TLL2: variants seen among roughly 807,000 people sequenced by gnomAD.
TLL2 encodes the protein tolloid-like protein 2.
Under a neutral mutation model 123.0 loss-of-function variants are expected in TLL2, and 106 were observed. The ratio of observed to expected loss-of-function variants is 0.86; its 90% confidence interval spans 0.74 to 1.01. The LOEUF is 1.01. TLL2 is among the 50% of genes least tolerant of loss of function. TLL2 has a pLI of 0.00. For missense variants in TLL2, 1,332 were observed against 1,336.7 expected (o/e 1.00, Z 0.06); for synonymous variants, 494 against 516.8 (o/e 0.96, Z 0.60).
chr10:96,463,989 C>G (rs750766675), intron 2 of TLL2, among the ~76,000 whole-genome samples: 8 of 152,196 alleles, frequency 5.3e-5, no homozygotes, highest in Non-Finnish European at 8.8e-5. Flanking sequence ...AACACCCAAG[C>G]CCTCTCTCAC....
At chr10:96,496,009 A>G (rs928554838) in intron 1 of TLL2, among the ~76,000 whole-genome samples, 9 of 152,224 alleles carry the variant, frequency 5.9e-5, no homozygotes, top group Non-Finnish European at 1.3e-4. Context: ...CATCTAAGCA[A>G]TGTCCTTGTT....
intron 16 of TLL2, among the ~76,000 whole-genome samples, chr10:96,382,981 G>A (rs997697473): frequency 6.6e-6 from 1 of 151,412 alleles, no homozygotes; most frequent in Non-Finnish European, 1.5e-5. Context: ...AGGGAGGGAA[G>A]AAGGATATTC....
intron 1 of TLL2, among the ~76,000 whole-genome samples, chr10:96,503,838 C>T (rs1847555950): frequency 6.6e-6 from 1 of 152,228 alleles, no homozygotes; most frequent in African/African-American, 2.4e-5. Context: ...GGGAGACGGT[C>T]ATGGGCTTTG....
chr10:96,388,574 T>C (rs1437716481), intron 13 of TLL2, among the ~76,000 whole-genome samples: 4 of 152,214 alleles, frequency 2.6e-5, no homozygotes. Context: ...CAGACCCTAC[T>C]TGAAAACTCC....
rs367593486 is a variant in TLL2 at position 96,413,248 on chromosome 10, C to T, written c.992G>A (p.Arg331His). ...DNGVRPTIGQ[R>H]VRLSQGDIAQ... The stretch of plus-strand genomic sequence containing the variant: ...TATGTCTCCCTGACTGAGCCGCACG[C>T]GCTGGCCAATGGTTGGCCTGACGCC... The change falls in exon 8 of 21, where the codon CGC (arginine) becomes CAC (histidine). Residue 331 changes from arginine to histidine, a missense_variant. Coordinates refer to ENST00000357947, the MANE Select transcript of TLL2 (RefSeq NM_012465.4). 81 of 1,614,070 alleles carry T rather than the reference C, an allele frequency of 5.0e-5. No individual in the cohort carries two copies. Among genetic ancestry groups the T allele is most frequent in the Middle Eastern group, 1.6e-4 (1 of 6,084 alleles).
At position 96,368,055 on chromosome 10, in the gene TLL2, A is replaced by C; in HGVS notation, c.*33T>G. 1.2e-6 allele frequency: 2 copies of C among 1,609,828 alleles called. No homozygotes were observed. The highest frequency in any genetic ancestry group is 1.7e-6 in the Non-Finnish European group (2 of 1,177,336). On this transcript the variant is annotated 3_prime_UTR_variant, in exon 21 of 21. Coordinates refer to ENST00000357947, the MANE Select transcript of TLL2 (RefSeq NM_012465.4). ...TTAAAAACAAAACAAAACAAAAAAA[A>C]TTCTCAGTTTCTGTCTTTCAAGAAC...
At chr10:96,487,845 CAG>C (rs942782923) in intron 1 of TLL2, among the ~76,000 whole-genome samples, 1 of 152,084 alleles carries the variant, frequency 6.6e-6, no homozygotes, top group African/African-American at 2.4e-5. Flanking sequence ...CAGATTGTGC[CAG>C]AGTCTAAACG....
chr10:96,376,557 G>T, intron 18 of TLL2, 135 bp downstream of exon 18: 1 of 949,802 alleles, frequency 1.1e-6, no homozygotes, highest in Non-Finnish European at 1.5e-6. Context: ...ATGTTTTCCA[G>T]ATAATGAAAC....
At position 96,413,182 on chromosome 10, in the gene TLL2, T is replaced by A; in HGVS notation, c.1048+10A>T. On this transcript the variant is annotated intron_variant, in intron 8 of 20. Transcript: ENST00000357947. ...GGGAGGTGCTGGCAGTCCCCACGGC[T>A]CATAGTTACCTGGGCATTTGTACAG... 31 of 1,613,832 alleles carry A rather than the reference T, an allele frequency of 1.9e-5. No individual in the cohort carries two copies. The highest frequency in any genetic ancestry group is 2.5e-5 in the Non-Finnish European group (30 of 1,179,802).
At chr10:96,438,478 G>A (rs1481786415) in intron 3 of TLL2, among the ~76,000 whole-genome samples, 3 of 152,138 alleles carry the variant, frequency 2.0e-5, no homozygotes, top group Non-Finnish European at 4.4e-5. Flanking sequence ...ATAGAAATGT[G>A]CTGGCCTTGT....
At chr10:96,505,450 C>T (rs1259615066) in intron 1 of TLL2, among the ~76,000 whole-genome samples, 1 of 152,182 alleles carries the variant, frequency 6.6e-6, no homozygotes, top group Non-Finnish European at 1.5e-5. Flanking sequence ...TGTGGGATGA[C>T]AATAATTTTA....
chr10:96,420,835 C>T (rs1846612120), intron 7 of TLL2, 121 bp downstream of exon 7: 2 of 792,808 alleles, frequency 2.5e-6, no homozygotes, highest in Non-Finnish European at 4.3e-6. Flanking sequence ...ATTTCAAGGA[C>T]AGACAGGCCA....
intron 17 of TLL2, among the ~76,000 whole-genome samples, chr10:96,377,428 A>G (rs1305911188): frequency 2.0e-5 from 3 of 152,214 alleles, no homozygotes; most frequent in Non-Finnish European, 4.4e-5. Flanking sequence ...AACTTGTTCA[A>G]TGCCTGGCAT....
chr10:96,470,379 A>G (rs1847167546), intron 2 of TLL2, among the ~76,000 whole-genome samples: 1 of 152,226 alleles, frequency 6.6e-6, no homozygotes, highest in African/African-American at 2.4e-5. Flanking sequence ...CACAGTTCAC[A>G]CGTGTTTGTC....
At chr10:96,375,389 G>A (rs1451995006) in intron 18 of TLL2, 2 of 152,198 alleles carry the variant, frequency 1.3e-5, no homozygotes, top group Non-Finnish European at 2.9e-5. Flanking sequence ...ACTACCACGT[G>A]AGTCTGTGAG....
chr10:96,450,480 A>G (rs896304633), intron 2 of TLL2, among the ~76,000 whole-genome samples: 1 of 152,112 alleles, frequency 6.6e-6, no homozygotes, highest in Non-Finnish European at 1.5e-5. Flanking sequence ...ATTCTATGGT[A>G]CAGCCAAGGT....
intron 3 of TLL2, among the ~76,000 whole-genome samples, chr10:96,434,784 A>T (rs1278715743): frequency 4.6e-5 from 7 of 152,160 alleles, no homozygotes; most frequent in African/African-American, 7.2e-5. Flanking sequence ...AAACAGTGGC[A>T]CCATTTTACA....
intron 9 of TLL2, 32 bp downstream of exon 9, chr10:96,410,327 C>G: frequency 6.5e-7 from 1 of 1,532,408 alleles, no homozygotes; most frequent in Non-Finnish European, 9.0e-7. Context: ...CAAGGAGTGC[C>G]GTCCCATTTG....
intron 9 of TLL2, among the ~76,000 whole-genome samples, chr10:96,407,459 C>T (rs967447579): frequency 3.9e-5 from 6 of 152,276 alleles, no homozygotes; most frequent in African/African-American, 1.2e-4. Context: ...CTCTAGTTTC[C>T]TCATCTGTAA....
Sources: gnomAD v4.1 joint callset for allele counts (sites outside exome capture counted in the v4.1 genomes callset) on GRCh38, gnomAD v4.1.1 for gene constraint, MANE v1.5 for transcripts, NCBI Gene and HGNC (gene_info 2026-07-23, HGNC 2026-07-21) for gene names.